SLAMF9: variants seen among roughly 807,000 people sequenced by gnomAD.
SLAMF9 encodes the protein SLAM family member 9, also known as CD2 family member 10.
A neutral mutation model predicts 30.4 loss-of-function variants in SLAMF9; 25 were observed. The ratio of observed to expected loss-of-function variants is 0.82; its 90% CI spans 0.60 to 1.15. The LOEUF (loss-of-function observed/expected upper bound fraction) is 1.15. Ranked by LOEUF, SLAMF9 falls within the 50% of genes most tolerant of loss-of-function variation. SLAMF9 has a pLI of 0.00. For synonymous variants in SLAMF9, 129 were observed against 127.2 expected, an observed-to-expected ratio of 1.01 and a Z score of -0.09; for missense variants, 344 against 346.1, an observed-to-expected ratio of 0.99 and a Z score of 0.05.
the SLAMF9 span, among the ~76,000 whole-genome samples, chr1:159,976,086 AGTGTGT>A: frequency 0.62 from 91,653 of 148,182 alleles, 31,058 homozygotes; most frequent in East Asian, 0.94. Flanking sequence ...TATAGGTTGT[AGTGTGT>A]GTGTGTGTGT....
At chr1:159,968,805 C>T in the SLAMF9 span, among the ~76,000 whole-genome samples, 1 of 152,186 alleles carries the variant, frequency 6.6e-6, no homozygotes, top group African/African-American at 2.4e-5. Flanking sequence ...AATCTCAATA[C>T]TTTGGGAGGC....
the SLAMF9 span, among the ~76,000 whole-genome samples, chr1:159,964,188 G>A: frequency 6.6e-6 from 1 of 152,216 alleles, no homozygotes; most frequent in Non-Finnish European, 1.5e-5. Context: ...TCTACTCTAA[G>A]CTAAAGTTTG....
chr1:159,952,607 C>T, intron 2 of SLAMF9, 73 bp from the exon 3 acceptor site: 1 of 1,531,092 alleles, frequency 6.5e-7, no homozygotes, highest in Non-Finnish European at 8.9e-7. Context: ...CTCCTCAAAC[C>T]TGGGGTACTA....
At chr1:159,962,307 G>T in the SLAMF9 span, among the ~76,000 whole-genome samples, 12 of 151,856 alleles carry the variant, frequency 7.9e-5, no homozygotes, top group Middle Eastern at 3.4e-3. Context: ...CGGCTCACTG[G>T]GGGTATATAG....
At chr1:159,960,489 G>A in the SLAMF9 span, among the ~76,000 whole-genome samples, 4 of 142,750 alleles carry the variant, frequency 2.8e-5, no homozygotes, top group East Asian at 2.0e-4. Context: ...CCTTTGAGAC[G>A]GAGTTTCGAT....
Position 159,952,538 on chromosome 1 carries a change from G to A in SLAMF9, c.392-4C>T. 1 of 1,612,982 alleles carries A rather than the reference G, an allele frequency of 6.2e-7. No individual in the cohort carries two copies. Among genetic ancestry groups the A allele is most frequent in the Non-Finnish European group, 8.5e-7 (1 of 1,179,558 alleles). On this transcript the variant is annotated splice_region_variant and splice_polypyrimidine_tract_variant and intron_variant, in intron 2 of 3. Transcript: ENST00000368093. ...ATCTGGGGCTCTGACAGCCATCCTG[G>A]ATGAAGGGGAAACACAAAGACCCTC...
At chr1:159,958,349 T>C (rs1212485876), upstream of SLAMF9, among the ~76,000 whole-genome samples, 1 of 152,198 alleles carries the variant, frequency 6.6e-6, no homozygotes, top group African/African-American at 2.4e-5. Context: ...CAGTCCATGA[T>C]GCCTATTGAG....
the SLAMF9 span, chr1:159,973,154 G>A: frequency 5.8e-5 from 89 of 1,537,888 alleles, 1 homozygote; most frequent in South Asian, 9.0e-4. Flanking sequence ...CATCCTTGTG[G>A]AAGGAGAAAA....
the SLAMF9 span, among the ~76,000 whole-genome samples, chr1:159,962,186 A>C: frequency 8.6e-5 from 13 of 151,860 alleles, no homozygotes; most frequent in Non-Finnish European, 1.9e-4. Flanking sequence ...CTTTGACGGC[A>C]AGGGGAACAG....
At chr1:159,959,942 C>G in the SLAMF9 span, among the ~76,000 whole-genome samples, 15 of 152,194 alleles carry the variant, frequency 9.9e-5, no homozygotes, top group African/African-American at 2.2e-4. Flanking sequence ...GAGACCCATT[C>G]TAACATCTTG....
At chr1:159,967,632 C>T in the SLAMF9 span, among the ~76,000 whole-genome samples, 4 of 152,146 alleles carry the variant, frequency 2.6e-5, no homozygotes, top group South Asian at 4.1e-4. Flanking sequence ...TTCTATTTCG[C>T]GAAGAGTGGC....
the SLAMF9 span, chr1:159,973,996 C>A: frequency 6.2e-6 from 10 of 1,609,544 alleles, no homozygotes; most frequent in Non-Finnish European, 8.5e-6. Context: ...TTCTTCCATC[C>A]CTGACATCAC....
the SLAMF9 span, among the ~76,000 whole-genome samples, chr1:159,967,460 A>G: frequency 6.6e-6 from 1 of 152,070 alleles, no homozygotes; most frequent in Non-Finnish European, 1.5e-5. Flanking sequence ...TTTCTGTTCC[A>G]TTGGTTGATG....
At chr1:159,968,826 G>A in the SLAMF9 span, among the ~76,000 whole-genome samples, 1 of 152,150 alleles carries the variant, frequency 6.6e-6, no homozygotes, top group Non-Finnish European at 1.5e-5. Flanking sequence ...CAAGGCAGGT[G>A]GATCACCTGA....
At chr1:159,958,459 C>CTT (rs542456262), upstream of SLAMF9, among the ~76,000 whole-genome samples, 101 of 143,844 alleles carry the variant, frequency 7.0e-4, no homozygotes, top group African/African-American at 2.0e-3. Flanking sequence ...CGTTTCTTCA[C>CTT]TTTTTTTTTT....
At chr1:159,963,831 C>T in the SLAMF9 span, among the ~76,000 whole-genome samples, 3 of 152,032 alleles carry the variant, frequency 2.0e-5, no homozygotes, top group Admixed American at 1.3e-4. Flanking sequence ...GAGGCCGAGG[C>T]GGGCAGATCA....
At position 159,952,404 on chromosome 1, in the gene SLAMF9, A is replaced by G. The variant is rs71628159; in HGVS notation, c.522T>C (p.Asp174=). ...DMTYSWLSRG[D]STYTFHEGPV... Reference sequence around the variant, plus strand: ...GGCCTTCATGGAATGTATAAGTGCTATCCCCCCGGGAGAGCCAGCTGTAGG... The same window carrying G: ...GGCCTTCATGGAATGTATAAGTGCTGTCCCCCCGGGAGAGCCAGCTGTAGG... Residue 174 remains aspartate (D), a synonymous_variant, in exon 3 of 4, where the codon GAT becomes GAC. Coordinates refer to ENST00000368093, the MANE Select transcript of SLAMF9 (RefSeq NM_033438.4). 0.031 allele frequency: 50,681 copies of G among 1,613,980 alleles called. 1,016 individuals are homozygous for G. Among genetic ancestry groups the G allele is most frequent in the South Asian group, 0.06 (5,488 of 91,072 alleles).
In SLAMF9 at chr1:159,953,592, C is replaced by A. The variant is rs1651845352; in HGVS notation, c.108G>T (p.Glu36Asp). Reference protein sequence around the residue: ...GSEEVVAVLQESISLPLEIPP... With the variant: ...GSEEVVAVLQDSISLPLEIPP... ...GTATTTCCAGGGGGAGGCTGATGGA[C>A]TCCTGAAGGACCGCAACCACTTCCT... Residue 36 changes from glutamate (E) to aspartate (D), a missense_variant, in exon 2 of 4, where the codon GAG becomes GAT. Transcript: ENST00000368093. 8 of 1,613,966 alleles carry A rather than the reference C, an allele frequency of 5.0e-6. No homozygotes were observed. The highest frequency in any genetic ancestry group is 6.8e-6 in the Non-Finnish European group (8 of 1,179,854).
the SLAMF9 span, chr1:159,974,067 G>T: frequency 1.3e-6 from 2 of 1,583,342 alleles, no homozygotes; most frequent in Non-Finnish European, 8.7e-7. Context: ...CAGCCAGGCT[G>T]CAAGGCAGAG....
Sources: allele counts gnomAD v4.1 joint callset (sites outside exome capture counted in the v4.1 genomes callset), GRCh38; gene constraint gnomAD v4.1.1; transcripts MANE v1.5; gene names NCBI Gene and HGNC (gene_info 2026-07-23, HGNC 2026-07-21).